Variants in ITPK1 observed in about 807,000 individuals in gnomAD.
ITPK1 encodes the protein inositol-tetrakisphosphate 1-kinase, also known as inositol 1,3,4-trisphosphate 5/6-kinase.
In ITPK1, 21 loss-of-function variants were observed where a neutral mutation model predicts 45.3. That is an observed-to-expected ratio of 0.46 (90% CI 0.33 to 0.67). ITPK1 has a LOEUF of 0.67. Among genes scored for constraint, ITPK1 ranks in the 30% least tolerant of loss-of-function variants. ITPK1 has a pLI of 0.02. For synonymous variants in ITPK1, 258 were observed against 253.6 expected, an observed-to-expected ratio of 1.02 and a Z score of -0.16; for missense variants, 474 against 573.5, an observed-to-expected ratio of 0.83 and a Z score of 1.77.
At chr14:93,006,427 G>A (rs1314980000) in intron 4 of ITPK1, among the ~76,000 whole-genome samples, 1 of 152,244 alleles carries the variant, frequency 6.6e-6, no homozygotes, top group Non-Finnish European at 1.5e-5. Flanking sequence ...GGCATTAAAA[G>A]GGGCTGTGTG....
Position 92,965,497 on chromosome 14 carries a change from T to C in ITPK1, c.365-2648A>G, listed in dbSNP as rs896640414. Among the ~76,000 whole-genome samples the C allele has an allele frequency of 1.1e-4, 17 of 152,230 alleles. No homozygotes were observed. In the East Asian group the frequency reaches 3.3e-3, roughly 29 times the overall value. On this transcript the variant is annotated intron_variant, in intron 5 of 10. Coordinates refer to ENST00000267615, the MANE Select transcript of ITPK1 (RefSeq NM_014216.6). ...TACTGGAGGTTCTAGCCACGGCCAT[T>C]AGGCAAGAAAAATGAAACAGCATAC...
intron 3 of ITPK1, among the ~76,000 whole-genome samples, chr14:93,023,594 G>T (rs1273756341): frequency 1.3e-5 from 2 of 152,218 alleles, no homozygotes; most frequent in Non-Finnish European, 2.9e-5. Context: ...AGGAAGGATG[G>T]AAGGGAAGGG....
intron 2 of ITPK1, among the ~76,000 whole-genome samples, chr14:93,108,786 G>A (rs1182027112): frequency 6.6e-6 from 1 of 152,228 alleles, no homozygotes; most frequent in East Asian, 1.9e-4. Flanking sequence ...GCCGAGGTGG[G>A]CAGATCAATT....
chr14:93,092,912 C>A (rs533362339), intron 2 of ITPK1, among the ~76,000 whole-genome samples: 2 of 152,322 alleles, frequency 1.3e-5, no homozygotes, highest in South Asian at 4.1e-4. Context: ...ACCCACCAGC[C>A]ACAGACTCAC....
intron 3 of ITPK1, among the ~76,000 whole-genome samples, chr14:93,029,266 G>A (rs149112843): frequency 1.3e-5 from 2 of 152,038 alleles, no homozygotes; most frequent in Non-Finnish European, 2.9e-5. Flanking sequence ...CCCTTCCCTA[G>A]AGCCAACACC....
chr14:93,095,074 C>A (rs1892018683), intron 2 of ITPK1, among the ~76,000 whole-genome samples: 1 of 152,204 alleles, frequency 6.6e-6, no homozygotes, highest in Admixed American at 6.5e-5. Flanking sequence ...GTTCATCTAA[C>A]ACTTCACCTC....
Position 93,051,614 on chromosome 14 carries a change from CAAAAGAAAAAAAAAA to C in ITPK1, c.120+24966_120+24980del, listed in dbSNP as rs1566757179. ...CTGGGTGATGGATGAAACTCTGTCTCAAAAGAAAAAAAAAAAAAAGAAAGAGCTGCTCAGGTGAAG... is the reference window on the plus strand; with the variant it reads ...CTGGGTGATGGATGAAACTCTGTCTCAAAAGAAAGAGCTGCTCAGGTGAAG... On this transcript the variant is annotated intron_variant, in intron 3 of 10. Coordinates refer to ENST00000267615, the MANE Select transcript of ITPK1 (RefSeq NM_014216.6). Among the ~76,000 whole-genome samples, 16 of 128,220 alleles carry C rather than the reference CAAAAGAAAAAAAAAA, an allele frequency of 1.2e-4. No individual in the cohort carries two copies. The South Asian group carries it at 4.1e-3, about 33-fold the overall frequency. The allele number at this position is 128,220 out of a possible 152,430, so 84.1% of individuals were successfully genotyped here. A position where few individuals can be genotyped will look rare whatever the true frequency, so the allele number is the denominator to read the frequency against.
chr14:92,996,365 T>C (rs1263641936), intron 4 of ITPK1, among the ~76,000 whole-genome samples: 2 of 143,004 alleles, frequency 1.4e-5, no homozygotes, highest in African/African-American at 5.2e-5. Context: ...TTCTCACTCA[T>C]AGGTGGGAAT....
At chr14:93,092,750 G>C (rs1273197671) in intron 2 of ITPK1, among the ~76,000 whole-genome samples, 1 of 152,216 alleles carries the variant, frequency 6.6e-6, no homozygotes, top group African/African-American at 2.4e-5. Context: ...GATGTCCACT[G>C]GGTCAGCCAA....
intron 3 of ITPK1, among the ~76,000 whole-genome samples, chr14:93,066,785 A>G (rs1244246877): frequency 2.0e-5 from 3 of 152,152 alleles, no homozygotes; most frequent in Non-Finnish European, 4.4e-5. Flanking sequence ...GTCCTTACTC[A>G]ACTGAAATAC....
intron 4 of ITPK1, among the ~76,000 whole-genome samples, chr14:92,997,203 T>C (rs970133475): frequency 5.3e-5 from 8 of 152,196 alleles, no homozygotes; most frequent in African/African-American, 1.7e-4. Context: ...AGAACACAGA[T>C]GTGCTCCTTC....
intron 5 of ITPK1, among the ~76,000 whole-genome samples, chr14:92,981,284 C>T (rs905766743): frequency 6.6e-6 from 1 of 152,228 alleles, no homozygotes. Flanking sequence ...CTCCCAATGG[C>T]CTCCCTCTCT....
rs1887285876 is a variant in ITPK1, at chr14:92,940,090, C to T, written c.*1471G>A. The T allele has an allele frequency of 1.0e-6, 1 of 985,750 alleles. No homozygotes were observed. Among genetic ancestry groups the T allele is most frequent in the Admixed American group, 6.1e-5 (1 of 16,274 alleles). The allele number at this position is 985,750 out of a possible 1,614,324, so 61.1% of individuals were successfully genotyped here. On this transcript the variant is annotated 3_prime_UTR_variant, in exon 11 of 11. Coordinates refer to ENST00000267615, the MANE Select transcript of ITPK1 (RefSeq NM_014216.6). ...CCCCTCGCCCAAGCCCTGTGCCTCC[C>T]TCCTCAAAGTGGGCATCCTGCAGCC...
chr14:93,057,397 C>T lies in ITPK1; in HGVS notation c.120+19198G>A, dbSNP rs543772107. Among the ~76,000 whole-genome samples the T allele has an allele frequency of 3.9e-5, 6 of 152,346 alleles. No homozygotes were observed. In the East Asian group the frequency reaches 1.2e-3, roughly 29 times the overall value. On this transcript the variant is annotated intron_variant, in intron 3 of 10. Coordinates refer to ENST00000267615, the MANE Select transcript of ITPK1 (RefSeq NM_014216.6). ...CGACAAATTCTCCCACATGCACACT[C>T]ACTCACACATTCACTCACTCACACA...
chr14:93,038,339 T>C (rs1047965978), intron 3 of ITPK1, among the ~76,000 whole-genome samples: 6 of 152,200 alleles, frequency 3.9e-5, no homozygotes, highest in African/African-American at 9.6e-5. Context: ...CCAGCCAACA[T>C]TGCATATTCT....
At chr14:93,035,588 G>C (rs1889280358) in intron 3 of ITPK1, among the ~76,000 whole-genome samples, 2 of 152,166 alleles carry the variant, frequency 1.3e-5, no homozygotes, top group South Asian at 4.1e-4. Flanking sequence ...CTAGGAAACA[G>C]GACGGGAGGG....
chr14:93,046,923 C>A (rs537724180), intron 3 of ITPK1, among the ~76,000 whole-genome samples: 4 of 152,310 alleles, frequency 2.6e-5, no homozygotes, highest in South Asian at 4.1e-4. Context: ...CCAGAGCAGG[C>A]GGCTGGTAGG....
At chr14:92,943,152 C>T (rs550510589) in intron 10 of ITPK1, among the ~76,000 whole-genome samples, 2 of 152,360 alleles carry the variant, frequency 1.3e-5, no homozygotes, top group Admixed American at 6.5e-5. Flanking sequence ...ACTGTGCGAG[C>T]GTCCCGCAAC....
At chr14:93,020,655 C>T (rs1888419390) in intron 3 of ITPK1, among the ~76,000 whole-genome samples, 1 of 152,192 alleles carries the variant, frequency 6.6e-6, no homozygotes, top group Admixed American at 6.5e-5. Flanking sequence ...TCCACTGTCT[C>T]CTGCTCCTGC....
Sources: gnomAD v4.1 joint callset for allele counts (sites outside exome capture counted in the v4.1 genomes callset) on GRCh38, gnomAD v4.1.1 for gene constraint, MANE v1.5 for transcripts, NCBI Gene and HGNC (gene_info 2026-07-23, HGNC 2026-07-21) for gene names.